The following MED12 variants were observed in gnomAD, a reference collection of about 807,000 sequenced individuals.
MED12 encodes mediator of RNA polymerase II transcription subunit 12.
A neutral mutation model predicts 177.7 loss-of-function variants in MED12; 10 were observed. The observed-to-expected ratio is 0.06, with a 90% confidence interval of 0.03 to 0.10. The LOEUF (loss-of-function observed/expected upper bound fraction) is 0.10. MED12 is among the 10% of genes least tolerant of loss of function. The pLI, the probability that MED12 is intolerant of heterozygous loss-of-function variation, is 1.00. For synonymous variants in MED12, 641 were observed against 678.4 expected (o/e 0.94, Z 0.86); for missense variants, 867 against 1,780.8 (o/e 0.49, Z 9.23).
Position 71,132,114 on chromosome X carries a change from C to T in MED12, c.4161C>T (p.Ile1387=), listed in dbSNP as rs776947543. 27 of 1,210,157 alleles carry T rather than the reference C, an allele frequency of 2.2e-5. No homozygotes were observed. Among genetic ancestry groups the T allele is most frequent in the Admixed American group, 4.3e-5 (2 of 46,030 alleles). The part of the protein sequence containing the change: ...SLLENIAKAT[I]EVFQQSAETG... ...TGGAGAACATCGCCAAGGCCACAAT[C>T]GAGGTTTTCCAACAGTCAGCAGAGA... The change falls in exon 30 of 45, where the codon ATC becomes ATT. Residue 1387 remains isoleucine (I), a synonymous_variant. Coordinates refer to ENST00000374080, the MANE Select transcript of MED12 (RefSeq NM_005120.3).
At chrX:71,130,840 G>A (rs2092315072) in intron 28 of MED12, among the ~76,000 whole-genome samples, 1 of 112,452 alleles carries the variant, frequency 8.9e-6, no homozygotes. Flanking sequence ...AAAGGAATAA[G>A]GTCTCTTCAG....
chrX:71,135,782 G>A (rs1411802140), intron 36 of MED12, among the ~76,000 whole-genome samples: 1 of 111,128 alleles, frequency 9.0e-6, no homozygotes, highest in East Asian at 2.8e-4. Flanking sequence ...CTCTCTCCCT[G>A]TCTGACTCGT....
intron 31 of MED12, 97 bp from the exon 32 acceptor site, chrX:71,132,748 T>TTCTCC (rs2092320763): frequency 7.3e-6 from 6 of 819,362 alleles, no homozygotes; most frequent in Non-Finnish European, 8.7e-6. Flanking sequence ...AGTCTCCCTT[T>TTCTCC]TCTCCTCTCC....
chrX:71,124,346 A>G lies in MED12; in HGVS notation c.1932A>G (p.Pro644=). The G allele has an allele frequency of 8.3e-7, 1 of 1,209,932 alleles. No individual in the cohort carries two copies. Among genetic ancestry groups the G allele is most frequent in the Non-Finnish European group, 1.1e-6 (1 of 894,413 alleles). The change falls in exon 13 of 45, where the codon CCA becomes CCG. Residue 644 remains proline, a synonymous_variant. Coordinates refer to ENST00000374080, the MANE Select transcript of MED12 (RefSeq NM_005120.3). ...PSPFDDPADD[P]EHKEAEGSSS... is the part of the protein sequence containing the mutation. ...CCTTTGATGATCCTGCCGATGACCC[A>G]GAGCACAAGGAGGCTGAAGGCAGCA...
rs1231106204 is a variant in MED12, at chrX:71,124,862, C to T, written c.2055+18C>T. Reference sequence around the variant, plus strand: ...ATTTCTCAGTAAGTTCAATCCTGAGCGTGGCAGAATCTGGATCCTTGGATC... The same window carrying T: ...ATTTCTCAGTAAGTTCAATCCTGAGTGTGGCAGAATCTGGATCCTTGGATC... On this transcript the variant is annotated intron_variant, in intron 14 of 44. Transcript: ENST00000374080. The T allele has an allele frequency of 3.4e-6, 4 of 1,191,986 alleles. No individual in the cohort carries two copies. The highest frequency in any genetic ancestry group is 3.5e-5 in the African/African-American group (2 of 56,757).
At position 71,123,834 on chromosome X, in the gene MED12, G is replaced by T. The variant is rs1052271097; in HGVS notation, c.1744+114G>T. 1.6e-5 allele frequency: 13 copies of T among 826,002 alleles called. No homozygotes were observed. In the African/African-American group the frequency reaches 1.8e-4, roughly 12 times the overall value. 68.1% of individuals were successfully genotyped at this position (826,002 alleles called of 1,213,427 possible). On this transcript the variant is annotated intron_variant, in intron 12 of 44. Transcript: ENST00000374080. ...TCTATATTTCTCTCTTGGGCTCTAT[G>T]CAGAATGACTTTTAGATGTAGTTCT...
chrX:71,122,667 G>A, intron 9 of MED12, 60 bp downstream of exon 9: 1 of 1,201,872 alleles, frequency 8.3e-7, no homozygotes, highest in Non-Finnish European at 1.1e-6. Flanking sequence ...GGATAGTAAG[G>A]ACATGTAGAT....
chrX:71,118,636 G>C lies in MED12; in HGVS notation c.-119G>C. ...TCGAGAGTTTCTAACGTGCCCCCTT[G>C]TTGTCTCTCGGCCGCCGTCCTCTCA... is the stretch of plus-strand genomic sequence containing the variant. On this transcript the variant is annotated 5_prime_UTR_variant, in exon 1 of 45. Transcript: ENST00000374080. The C allele has an allele frequency of 3.3e-6, 2 of 611,482 alleles. No individual in the cohort carries two copies. Among genetic ancestry groups the C allele is most frequent in the Non-Finnish European group, 2.7e-6 (1 of 369,784 alleles). The allele number at this position is 611,482 out of a possible 1,213,427, so 50.4% of individuals were successfully genotyped here.
At chrX:71,125,563 A>G in intron 16 of MED12, 68 bp downstream of exon 16, 1 of 1,174,267 alleles carries the variant, frequency 8.5e-7, no homozygotes, top group Non-Finnish European at 1.2e-6. Context: ...CTTCCCCAGT[A>G]TAGGGAACTC....
rs750162341 is a variant in MED12, at chrX:71,132,210, G to A, written c.4253+4G>A. On this transcript the variant is annotated splice_donor_region_variant and intron_variant, in intron 30 of 44. Coordinates refer to ENST00000374080, the MANE Select transcript of MED12 (RefSeq NM_005120.3). ...GCAAGACCAAGCCTGTGCTCAGGTC[G>A]GATAGAAACATGTTAGGACCCATCC... The A allele has an allele frequency of 6.2e-5, 75 of 1,208,424 alleles. No homozygotes were observed. The highest frequency in any genetic ancestry group is 2.3e-4 in the Middle Eastern group (1 of 4,366).
chrX:71,137,431 C>CT, intron 39 of MED12, 48 bp downstream of exon 39: 1 of 1,182,513 alleles, frequency 8.5e-7, no homozygotes, highest in African/African-American at 1.7e-5. Flanking sequence ...GGGAGAGGGG[C>CT]TTTTGAGGGT....
chrX:71,121,235 A>G lies in MED12; in HGVS notation c.735+83A>G. On this transcript the variant is annotated intron_variant, in intron 5 of 44. Coordinates refer to ENST00000374080, the MANE Select transcript of MED12 (RefSeq NM_005120.3). ...CAGTAGAGAACAGAATCTGCCTGCCACCTTGCCCCAGTTGTGGTTCTCTTC... is the reference window on the plus strand; with the variant it reads ...CAGTAGAGAACAGAATCTGCCTGCCGCCTTGCCCCAGTTGTGGTTCTCTTC... The G allele has an allele frequency of 6.7e-6, 8 of 1,189,896 alleles. No homozygotes were observed. The South Asian group carries it at 1.4e-4, about 21-fold the overall frequency.
intron 8 of MED12, 65 bp downstream of exon 8, chrX:71,122,411 G>A (rs988690537): frequency 8.4e-7 from 1 of 1,191,683 alleles, no homozygotes; most frequent in Non-Finnish European, 1.1e-6. Flanking sequence ...TCTTTCAGAA[G>A]TAGTGATTTG....
chrX:71,129,048 G>T (rs187026365), intron 24 of MED12, 66 bp from the exon 25 acceptor site: 9 of 878,177 alleles, frequency 1.0e-5, no homozygotes, highest in African/African-American at 7.9e-5. Context: ...ATGCAGGCAC[G>T]CACACACATA....
At position 71,120,181 on chromosome X, in the gene MED12, C is replaced by G; in HGVS notation, c.553+11C>G. 8.3e-7 allele frequency: 1 copy of G among 1,207,655 alleles called. No individual in the cohort carries two copies. Among genetic ancestry groups the G allele is most frequent in the Non-Finnish European group, 1.1e-6 (1 of 892,355 alleles). On this transcript the variant is annotated intron_variant, in intron 4 of 44. Transcript: ENST00000374080. ...TTGACCCTTTCATGGGTGAGTAACT[C>G]CTAACACCAGGTGTACTGCTGATGG... is the stretch of plus-strand genomic sequence containing the variant.
At position 71,122,892 on chromosome X, in the gene MED12, T is replaced by C. The variant is rs1219548082; in HGVS notation, c.1485+18T>C. ...GGCATGAGGTAAGCGAAAAGGGGAA[T>C]AGAAGGAGCAAAAAACATTGCAAGA... On this transcript the variant is annotated intron_variant, in intron 10 of 44. Coordinates refer to ENST00000374080, the MANE Select transcript of MED12 (RefSeq NM_005120.3). 8.3e-7 allele frequency: 1 copy of C among 1,208,128 alleles called. No individual in the cohort carries two copies. The highest frequency in any genetic ancestry group is 1.8e-5 in the South Asian group (1 of 56,916).
intron 14 of MED12, 51 bp downstream of exon 14, chrX:71,124,895 T>C (rs1253227176): frequency 1.7e-6 from 2 of 1,188,437 alleles, no homozygotes; most frequent in South Asian, 3.6e-5. Flanking sequence ...ATCTTCCCAT[T>C]ATGCCTGCTT....
chrX:71,135,426 T>G (rs1433908685), intron 36 of MED12, among the ~76,000 whole-genome samples, 173 bp downstream of exon 36: 6 of 111,057 alleles, frequency 5.4e-5, no homozygotes, highest in Admixed American at 9.5e-5. Context: ...TCCTTACATT[T>G]CATCTCCATC....
intron 42 of MED12, 45 bp downstream of exon 42, chrX:71,140,902 A>G: frequency 8.3e-7 from 1 of 1,198,961 alleles, no homozygotes; most frequent in African/African-American, 1.7e-5. Flanking sequence ...CCCAGGGAGG[A>G]AGAGAGGCAC....
Sources: allele counts gnomAD v4.1 joint callset (sites outside exome capture counted in the v4.1 genomes callset), GRCh38; gene constraint gnomAD v4.1.1; transcripts MANE v1.5; gene names NCBI Gene and HGNC (gene_info 2026-07-23, HGNC 2026-07-21).